Variants in EVC2 observed in about 807,000 individuals in gnomAD.
EVC2 encodes EvC ciliary complex subunit 2, also known as limbin.
A neutral mutation model predicts 149.3 loss-of-function variants in EVC2; 148 were observed. The observed-to-expected ratio is 0.99, with a 90% CI of 0.87 to 1.14. EVC2 has a LOEUF of 1.14. Ranked by LOEUF, EVC2 falls within the 50% of genes most tolerant of loss-of-function variation. EVC2 has a pLI of 0.00. For missense variants in EVC2, 1,854 were observed against 1,627.3 expected (o/e 1.14, Z -2.40); for synonymous variants, 776 against 649.9 (o/e 1.19, Z -2.95).
chr4:5,577,491 G>A (rs1302945383), intron 17 of EVC2, among the ~76,000 whole-genome samples: 1 of 152,110 alleles, frequency 6.6e-6, no homozygotes, highest in Admixed American at 6.5e-5. Context: ...AATCCTAAGA[G>A]GCCTTGGTTG....
chr4:5,604,801 C>G (rs1714256681), intron 16 of EVC2, among the ~76,000 whole-genome samples: 2 of 151,574 alleles, frequency 1.3e-5, no homozygotes, highest in African/African-American at 2.4e-5. Flanking sequence ...AAAATATTAC[C>G]ATGCATCCCA....
At chr4:5,596,702 C>A (rs1713452708) in intron 16 of EVC2, among the ~76,000 whole-genome samples, 1 of 151,942 alleles carries the variant, frequency 6.6e-6, no homozygotes, top group Non-Finnish European at 1.5e-5. Context: ...TAGCAGAAGG[C>A]AAGAAGTAAC....
At chr4:5,571,412 T>C (rs1361757439) in intron 19 of EVC2, among the ~76,000 whole-genome samples, 1 of 150,872 alleles carries the variant, frequency 6.6e-6, no homozygotes, top group Non-Finnish European at 1.5e-5. Flanking sequence ...AATGAAGAAC[T>C]TATCCATGTA....
intron 13 of EVC2, among the ~76,000 whole-genome samples, chr4:5,624,359 C>CTA (rs1283867606): frequency 2.6e-5 from 4 of 152,194 alleles, no homozygotes; most frequent in African/African-American, 9.7e-5. Flanking sequence ...CACTCCTATT[C>CTA]CCTTGCCCAG....
At chr4:5,645,184 T>C (rs1717619528) in intron 9 of EVC2, among the ~76,000 whole-genome samples, 1 of 152,012 alleles carries the variant, frequency 6.6e-6, no homozygotes, top group African/African-American at 2.4e-5. Context: ...GTTCAAGTGG[T>C]GCCAACATGA....
chr4:5,557,726 T>C (rs1721861857), downstream of EVC2, among the ~76,000 whole-genome samples: 1 of 152,138 alleles, frequency 6.6e-6, no homozygotes, highest in Non-Finnish European at 1.5e-5. Flanking sequence ...GGTTGCAGGA[T>C]ACAAGGTTAA....
intron 1 of EVC2, among the ~76,000 whole-genome samples, chr4:5,704,869 C>CTATATA (rs145021587): frequency 1.1e-3 from 167 of 149,990 alleles, no homozygotes; most frequent in African/African-American, 1.8e-3. Context: ...TCACACACAG[C>CTATATA]TATATATATA....
At chr4:5,671,403 T>C (rs1719640728) in intron 7 of EVC2, among the ~76,000 whole-genome samples, 8 of 152,216 alleles carry the variant, frequency 5.3e-5, no homozygotes. Flanking sequence ...CAGGGCAGGA[T>C]TTTGGAACTC....
chr4:5,541,358 T>C, downstream of EVC2, among the ~76,000 whole-genome samples: 1 of 151,926 alleles, frequency 6.6e-6, no homozygotes, highest in East Asian at 1.9e-4. Flanking sequence ...CAATAGGGAG[T>C]GCGTCCAGTG....
chr4:5,621,661 A>G (rs931786593), intron 14 of EVC2, among the ~76,000 whole-genome samples: 2 of 152,214 alleles, frequency 1.3e-5, no homozygotes, highest in African/African-American at 2.4e-5. Context: ...GTTTCAGGGA[A>G]GTAAAGAACT....
At chr4:5,557,520 C>T (rs554638816), downstream of EVC2, among the ~76,000 whole-genome samples, 41 of 152,106 alleles carry the variant, frequency 2.7e-4, no homozygotes, top group Non-Finnish European at 5.3e-4. Context: ...CCTCTTACAA[C>T]TTCTATTCAA....
chr4:5,580,826 G>C (rs1238362729), intron 17 of EVC2, among the ~76,000 whole-genome samples: 1 of 10,834 alleles, frequency 9.2e-5, no homozygotes, highest in Non-Finnish European at 2.2e-4. Context: ...GTAATCCCCA[G>C]TGTTGGAGGT....
chr4:5,573,379 G>A (rs1722744600), intron 19 of EVC2, among the ~76,000 whole-genome samples: 1 of 152,156 alleles, frequency 6.6e-6, no homozygotes, highest in Non-Finnish European at 1.5e-5. Context: ...AGAGAGATGT[G>A]AGGAGGATGG....
intron 9 of EVC2, among the ~76,000 whole-genome samples, chr4:5,647,981 C>T (rs753611450): frequency 7.2e-5 from 11 of 151,828 alleles, no homozygotes; most frequent in East Asian, 3.9e-4. Context: ...CTCAAGAAGC[C>T]GGAAAAGGCC....
rs116469436 is a variant in EVC2 at position 5,694,907 on chromosome 4, C to G, written c.284-406G>C. ...TCTCTATACCTCGGTTTGCTTAATT[C>G]TAAGGCAAACAGCATAGGTCTCACC... On this transcript the variant is annotated intron_variant, in intron 2 of 21. Transcript: ENST00000344408. 4.3e-3 allele frequency among the ~76,000 whole-genome samples: 659 copies of G among 152,266 alleles called. 4 individuals are homozygous for G. Among genetic ancestry groups the G allele is most frequent in the African/African-American group, 0.015 (611 of 41,542 alleles).
At chr4:5,692,692 C>A (rs1701607921) in intron 3 of EVC2, among the ~76,000 whole-genome samples, 1 of 150,840 alleles carries the variant, frequency 6.6e-6, no homozygotes, top group South Asian at 2.1e-4. Context: ...AAGGTGAAAC[C>A]CCGTCTCTAC....
At chr4:5,593,138 C>T (rs546462838) in intron 16 of EVC2, among the ~76,000 whole-genome samples, 19 of 152,208 alleles carry the variant, frequency 1.2e-4, no homozygotes, top group African/African-American at 3.6e-4. Context: ...CCTGCAGAAC[C>T]GTGAATCAAT....
At chr4:5,704,976 T>C (rs992647749) in intron 1 of EVC2, among the ~76,000 whole-genome samples, 22 of 152,122 alleles carry the variant, frequency 1.4e-4, no homozygotes, top group Admixed American at 2.0e-4. Flanking sequence ...TCCCAAAGTG[T>C]TGGGATTACA....
rs1043590599 is a variant in EVC2, at chr4:5,584,799, C to A, written c.2881G>T (p.Gly961Ter). The A allele has an allele frequency of 6.2e-7, 1 of 1,614,066 alleles. No individual in the cohort carries two copies. The highest frequency in any genetic ancestry group is 1.3e-5 in the African/African-American group (1 of 74,920). ...ERVQRMEAQE[G>*]GFAQSLVALQ... ...GCAACAAGCGACTGTGCAAAGCCTCCCTCCTGTGCCTCCATCCGCTGCACT... is the reference window on the plus strand; with the variant it reads ...GCAACAAGCGACTGTGCAAAGCCTCACTCCTGTGCCTCCATCCGCTGCACT... The change falls in exon 17 of 22, where the codon GGA becomes TGA. Residue 961 changes from glycine to a stop codon, truncating the protein, a stop_gained. Transcript: ENST00000344408. LOFTEE classifies it high-confidence loss of function.
Sources: gnomAD v4.1 joint callset for allele counts (sites outside exome capture counted in the v4.1 genomes callset) on GRCh38, gnomAD v4.1.1 for gene constraint, MANE v1.5 for transcripts, NCBI Gene and HGNC (gene_info 2026-07-23, HGNC 2026-07-21) for gene names.